Variants in CSTPP1 observed in about 807,000 individuals in gnomAD.
CSTPP1 encodes the protein centriolar satellite-associated tubulin polyglutamylase complex regulator 1.
chr11:46,945,261 T>A, the CSTPP1 span, among the ~76,000 whole-genome samples: 1 of 152,212 alleles, frequency 6.6e-6, no homozygotes, highest in African/African-American at 2.4e-5. Flanking sequence ...AAAATAGGTG[T>A]TAAACTGACT....
chr11:46,949,889 T>G, the CSTPP1 span, among the ~76,000 whole-genome samples: 1,411 of 152,088 alleles, frequency 9.3e-3, 11 homozygotes, highest in Non-Finnish European at 0.016. Context: ...GCCAGGCTGG[T>G]CTCAAACTCC....
At chr11:47,016,395 AAC>A in the CSTPP1 span, among the ~76,000 whole-genome samples, 2 of 145,724 alleles carry the variant, frequency 1.4e-5, no homozygotes, top group African/African-American at 5.2e-5. Context: ...ATCTACAAAA[AAC>A]AAAAAACAAA....
the CSTPP1 span, among the ~76,000 whole-genome samples, chr11:47,108,090 G>T: frequency 6.6e-6 from 1 of 152,230 alleles, no homozygotes; most frequent in Admixed American, 6.5e-5. Flanking sequence ...ACTATACACA[G>T]TGCAAATACT....
the CSTPP1 span, chr11:46,947,928 CTTT>C: frequency 6.1e-6 from 2 of 327,990 alleles, no homozygotes; most frequent in Non-Finnish European, 1.2e-5. Flanking sequence ...CCCATTGCCA[CTTT>C]TTTTTTTTCC....
the CSTPP1 span, among the ~76,000 whole-genome samples, chr11:47,019,257 G>A: frequency 7.2e-5 from 11 of 152,068 alleles, no homozygotes; most frequent in Non-Finnish European, 1.2e-4. Flanking sequence ...TAATCTGCTC[G>A]CCTCGGCCTT....
At chr11:47,099,268 C>G in the CSTPP1 span, among the ~76,000 whole-genome samples, 1 of 152,184 alleles carries the variant, frequency 6.6e-6, no homozygotes, top group East Asian at 1.9e-4. Flanking sequence ...GGATTCATGA[C>G]TCAGTGGGTC....
At chr11:46,964,453 T>C in the CSTPP1 span, among the ~76,000 whole-genome samples, 13 of 152,068 alleles carry the variant, frequency 8.5e-5, no homozygotes, top group Non-Finnish European at 1.2e-4. Flanking sequence ...GCCTGACTAA[T>C]ATTTTGTATT....
the CSTPP1 span, among the ~76,000 whole-genome samples, chr11:46,940,004 G>A: frequency 6.6e-6 from 1 of 152,058 alleles, no homozygotes; most frequent in African/African-American, 2.4e-5. Context: ...TCAAGTAGCT[G>A]GAACTGCAGG....
At chr11:47,114,889 G>A in the CSTPP1 span, among the ~76,000 whole-genome samples, 1 of 152,160 alleles carries the variant, frequency 6.6e-6, no homozygotes, top group Non-Finnish European at 1.5e-5. Context: ...TGGTGAGAGA[G>A]GGCATCCTTG....
the CSTPP1 span, among the ~76,000 whole-genome samples, chr11:47,038,656 CG>C: frequency 1.7e-5 from 2 of 119,064 alleles, 1 homozygote. Flanking sequence ...CTCTCCCGGA[CG>C]GGGTGGCTGG....
At chr11:46,982,715 A>G in the CSTPP1 span, among the ~76,000 whole-genome samples, 2 of 152,156 alleles carry the variant, frequency 1.3e-5, no homozygotes, top group Non-Finnish European at 2.9e-5. Context: ...ATGATGATGT[A>G]TATTTTTATA....
At chr11:47,060,767 A>G in the CSTPP1 span, among the ~76,000 whole-genome samples, 1 of 152,160 alleles carries the variant, frequency 6.6e-6, no homozygotes, top group Admixed American at 6.5e-5. Flanking sequence ...CATGTAAACC[A>G]GATACCACTG....
At chr11:47,044,309 T>TCA in the CSTPP1 span, among the ~76,000 whole-genome samples, 1 of 152,132 alleles carries the variant, frequency 6.6e-6, no homozygotes, top group Non-Finnish European at 1.5e-5. Context: ...TTTATCTTAC[T>TCA]CAGCACTTTG....
the CSTPP1 span, among the ~76,000 whole-genome samples, chr11:47,148,366 C>A: frequency 6.6e-6 from 1 of 151,902 alleles, no homozygotes; most frequent in Non-Finnish European, 1.5e-5. Flanking sequence ...CACCCTCCAG[C>A]CACCCCATGA....
At chr11:47,145,513 G>A in the CSTPP1 span, among the ~76,000 whole-genome samples, 1 of 152,138 alleles carries the variant, frequency 6.6e-6, no homozygotes, top group Non-Finnish European at 1.5e-5. Flanking sequence ...TCAGGAGGCT[G>A]AGGCAGGAGA....
At chr11:47,009,613 A>G in the CSTPP1 span, among the ~76,000 whole-genome samples, 1 of 152,156 alleles carries the variant, frequency 6.6e-6, no homozygotes, top group Non-Finnish European at 1.5e-5. Flanking sequence ...TCCGGCCAAC[A>G]TGGTGAAACC....
At chr11:47,057,811 G>A in the CSTPP1 span, among the ~76,000 whole-genome samples, 2 of 152,268 alleles carry the variant, frequency 1.3e-5, no homozygotes, top group African/African-American at 2.4e-5. Flanking sequence ...AATTTCTGGA[G>A]TATACAAGGG....
chr11:47,160,857 G>A, the CSTPP1 span: 2 of 494,138 alleles, frequency 4.0e-6, no homozygotes, highest in East Asian at 3.7e-5. Flanking sequence ...ACCACCACCT[G>A]GTGTTGGAAG....
At chr11:47,062,927 G>A in the CSTPP1 span, among the ~76,000 whole-genome samples, 4 of 152,194 alleles carry the variant, frequency 2.6e-5, no homozygotes, top group Admixed American at 2.0e-4. Context: ...AGATGCAGCT[G>A]CTCCCTTTAG....
Sources: gnomAD v4.1 joint callset for allele counts (sites outside exome capture counted in the v4.1 genomes callset) on GRCh38, gnomAD v4.1.1 for gene constraint, MANE v1.5 for transcripts, NCBI Gene and HGNC (gene_info 2026-07-23, HGNC 2026-07-21) for gene names.